The following OR13A1 variants were observed in gnomAD, a reference collection of about 807,000 sequenced individuals.
The protein encoded by OR13A1 is olfactory receptor 13A1.
In OR13A1, 10 loss-of-function variants were observed where a neutral mutation model predicts 7.5. That is an observed-to-expected ratio of 1.34 (90% CI 0.83 to 2.27). The LOEUF is 2.27. Among genes scored for constraint, OR13A1 ranks in the 30% most tolerant of loss-of-function variants. The pLI is 0.00. For synonymous variants in OR13A1, 238 were observed against 177.9 expected (o/e 1.34, Z -2.69); for missense variants, 509 against 419.1 (o/e 1.21, Z -1.87).
intron 1 of OR13A1, chr10:45,308,835 T>G (rs1838386420): frequency 6.6e-6 from 1 of 152,138 alleles, no homozygotes; most frequent in Non-Finnish European, 1.5e-5. Context: ...TGTGATAAGA[T>G]CAGTCTGAAC....
rs74128443 is a variant in OR13A1, at chr10:45,309,595, C to T, written c.-224-1787G>A. ...CTGGTCATGTGACTTTGGGTGACTG[C>T]GCTTAACCTCTCCAGGACTCATTTA... On this transcript the variant is annotated intron_variant, in intron 1 of 3. Coordinates refer to ENST00000553795, the MANE Select transcript of OR13A1 (RefSeq NM_001004297.3). Among the ~76,000 whole-genome samples, 780 of 152,202 alleles carry T rather than the reference C, an allele frequency of 5.1e-3. 7 individuals carry two copies. The highest frequency in any genetic ancestry group is 0.018 in the African/African-American group (741 of 41,536).
rs534838125 is a variant in OR13A1 at position 45,308,110 on chromosome 10, T to C, written c.-224-302A>G. On this transcript the variant is annotated intron_variant, in intron 1 of 3. Coordinates refer to ENST00000553795, the MANE Select transcript of OR13A1 (RefSeq NM_001004297.3). Reference sequence around the variant, plus strand: ...TTTCACAGACACCATATTAATCTAATGTCCTTTTATTGTATATGAAGGTAG... The same window carrying C: ...TTTCACAGACACCATATTAATCTAACGTCCTTTTATTGTATATGAAGGTAG... 8.5e-5 allele frequency among the ~76,000 whole-genome samples: 13 copies of C among 152,352 alleles called. No individual in the cohort carries two copies. In the East Asian group the frequency reaches 1.9e-3, roughly 23 times the overall value.
chr10:45,306,364 A>C (rs557524651), intron 3 of OR13A1, among the ~76,000 whole-genome samples: 1 of 151,934 alleles, frequency 6.6e-6, no homozygotes, highest in Non-Finnish European at 1.5e-5. Context: ...GAGGCAGGAG[A>C]ATGGCGTGAA....
Position 45,303,856 on chromosome 10 carries a change from G to A in OR13A1, c.567C>T (p.Pro189=), listed in dbSNP as rs766958133. 9.9e-6 allele frequency: 16 copies of A among 1,612,770 alleles called. No individual in the cohort carries two copies. In the Middle Eastern group the frequency reaches 4.9e-4, roughly 50 times the overall value. ...GLMLRLDFCG[P]NVIIHFFCEV... The stretch of plus-strand genomic sequence containing the variant: ...CGCAGAAGAAATGGATAATGACATT[G>A]GGGCCACAGAAATCCAAGCGCAGCA... The change falls in exon 4 of 4, where the codon CCC becomes CCT. Residue 189 remains proline (P), a synonymous_variant. Transcript: ENST00000553795.
chr10:45,303,668 C>T lies in OR13A1; in HGVS notation c.755G>A (p.Arg252Lys). The T allele has an allele frequency of 6.2e-7, 1 of 1,614,164 alleles. No individual in the cohort carries two copies. Among genetic ancestry groups the T allele is most frequent in the African/African-American group, 1.3e-5 (1 of 75,038 alleles). Residue 252 changes from arginine to lysine, a missense_variant, in exon 4 of 4, where the codon AGG becomes AAG. Transcript: ENST00000553795. ...AGAGCAGGTGGAGAAGGCTTTCTGC[C>T]TCCCCCAGGCAGTCTTCACCTTCAG... ...SILKVKTAWG[R>K]QKAFSTCSSH...
chr10:45,313,955 G>A (rs1260942500), intron 1 of OR13A1, among the ~76,000 whole-genome samples: 1 of 103,372 alleles, frequency 9.7e-6, no homozygotes, highest in Non-Finnish European at 1.9e-5. Flanking sequence ...AATCAGAATA[G>A]TATTTTTCTC....
chr10:45,308,848 G>A (rs1838386561), intron 1 of OR13A1: 1 of 152,128 alleles, frequency 6.6e-6, no homozygotes, highest in African/African-American at 2.4e-5. Context: ...GTCTGAACAG[G>A]ACTGTTCAGG....
chr10:45,310,411 G>A (rs1838421105), intron 1 of OR13A1, among the ~76,000 whole-genome samples: 1 of 152,144 alleles, frequency 6.6e-6, no homozygotes, highest in Non-Finnish European at 1.5e-5. Context: ...CATAAAAGTT[G>A]CCATAACCTC....
chr10:45,304,825 C>G (rs1838293378), intron 3 of OR13A1, among the ~76,000 whole-genome samples: 1 of 152,116 alleles, frequency 6.6e-6, no homozygotes, highest in African/African-American at 2.4e-5. Context: ...TAAAAAGCAT[C>G]CTGAAGGTGT....
intron 3 of OR13A1, among the ~76,000 whole-genome samples, chr10:45,306,446 C>T (rs1838331648): frequency 1.0e-5 from 1 of 99,576 alleles, no homozygotes; most frequent in Middle Eastern, 4.2e-3. Flanking sequence ...GAGCGAGACT[C>T]CGTCTCAAAA....
At position 45,304,417 on chromosome 10, in the gene OR13A1, C is replaced by T; in HGVS notation, c.6G>A (p.Lys2=). 3 of 1,610,984 alleles carry T rather than the reference C, an allele frequency of 1.9e-6. No homozygotes were observed. The highest frequency in any genetic ancestry group is 2.5e-6 in the Non-Finnish European group (3 of 1,178,592). ...CTATCAGGTGACTCTCCATCCACAG[C>T]TTCATGTGATTTCAGAGCTAGAGAG... M[K]LWMESHLIVP... is the part of the protein sequence containing the mutation. Residue 2 remains lysine (K), a synonymous_variant, in exon 4 of 4, where the codon AAG becomes AAA. Coordinates refer to ENST00000553795, the MANE Select transcript of OR13A1 (RefSeq NM_001004297.3).
chr10:45,304,297 C>G lies in OR13A1; in HGVS notation c.126G>C (p.Arg42=), dbSNP rs1838283493. ...LQGFSEHPEY[R]VFLFSCFLFL... ...AGAGGAAACAGCTGAATAAGAACAC[C>G]CGGTATTCTGGGTGCTCCGAAAAGC... The change falls in exon 4 of 4, where the codon CGG becomes CGC. Residue 42 remains arginine (R), a synonymous_variant. Transcript: ENST00000553795. The G allele has an allele frequency of 1.2e-6, 2 of 1,614,106 alleles. No homozygotes were observed. The highest frequency in any genetic ancestry group is 2.2e-5 in the South Asian group (2 of 91,084).
At chr10:45,310,561 G>T (rs570507710) in intron 1 of OR13A1, among the ~76,000 whole-genome samples, 2 of 152,320 alleles carry the variant, frequency 1.3e-5, no homozygotes, top group South Asian at 4.2e-4. Context: ...TCACCTAGCT[G>T]CCAGGGAAGC....
Position 45,303,523 on chromosome 10 carries a change from A to T in OR13A1, c.900T>A (p.Ser300Arg). Residue 300 changes from serine (S) to arginine (R), a missense_variant, in exon 4 of 4, where the codon AGT becomes AGA. Coordinates refer to ENST00000553795, the MANE Select transcript of OR13A1 (RefSeq NM_001004297.3). Reference protein sequence around the residue: ...KLAGLLYTVLSPTLNPLIYTL... With the variant: ...KLAGLLYTVLRPTLNPLIYTL... ...TATAGATGAGGGGGTTGAGGGTAGG[A>T]CTCAGCACAGTGTACAGCAGGCCAG... The T allele has an allele frequency of 6.2e-7, 1 of 1,614,086 alleles. No individual in the cohort carries two copies. The highest frequency in any genetic ancestry group is 8.5e-7 in the Non-Finnish European group (1 of 1,180,016).
intron 1 of OR13A1, among the ~76,000 whole-genome samples, chr10:45,308,196 C>G (rs144128619): frequency 1.3e-5 from 2 of 152,172 alleles, no homozygotes; most frequent in Non-Finnish European, 2.9e-5. Context: ...ATGCCAGAAT[C>G]GCATATGTTC....
In OR13A1 at chr10:45,315,581, C is replaced by A. The variant is rs925780068; in HGVS notation, c.-282G>T. On this transcript the variant is annotated 5_prime_UTR_variant, in exon 1 of 4. Coordinates refer to ENST00000553795, the MANE Select transcript of OR13A1 (RefSeq NM_001004297.3). ...GGATTAGGAACAAGACAAGTATACTCTGTCTCTTCGCTTCTATTCAATATA... is the reference window on the plus strand; with the variant it reads ...GGATTAGGAACAAGACAAGTATACTATGTCTCTTCGCTTCTATTCAATATA... The A allele has an allele frequency of 3.9e-5, 6 of 152,118 alleles. No homozygotes were observed. The highest frequency in any genetic ancestry group is 1.4e-4 in the African/African-American group (6 of 41,424). The allele number at this position is 152,118 out of a possible 1,614,324, so 9.4% of individuals were successfully genotyped here. A position where few individuals can be genotyped will look rare whatever the true frequency, so the allele number is the denominator to read the frequency against.
chr10:45,305,121 G>C (rs1188679380), intron 3 of OR13A1, among the ~76,000 whole-genome samples: 1 of 152,064 alleles, frequency 6.6e-6, no homozygotes, highest in Non-Finnish European at 1.5e-5. Context: ...TGTAATCCCA[G>C]CTACTTGGAA....
Position 45,304,356 on chromosome 10 carries a change from T to C in OR13A1, c.67A>G (p.Asn23Asp), listed in dbSNP as rs758674399. Residue 23 changes from asparagine (N) to aspartate (D), a missense_variant, in exon 4 of 4, where the codon AAC (asparagine) becomes GAC (aspartate). Physicochemically the swap from Asn to Asp is conservative, Grantham distance 23 (BLOSUM62 1). Transcript: ENST00000553795. ...ATGAACTCGGTTACCAACGTCTGGTTACTCATCATCCTTGGGCTGGGACGG... is the reference window on the plus strand; with the variant it reads ...ATGAACTCGGTTACCAACGTCTGGTCACTCATCATCCTTGGGCTGGGACGG... ...ETRPSPRMMS[N>D]QTLVTEFILQ... 6.8e-6 allele frequency: 11 copies of C among 1,613,990 alleles called. No homozygotes were observed. Among genetic ancestry groups the C allele is most frequent in the African/African-American group, 6.7e-5 (5 of 74,894 alleles).
At chr10:45,307,154 A>G (rs1838348563) in intron 3 of OR13A1, among the ~76,000 whole-genome samples, 1 of 152,250 alleles carries the variant, frequency 6.6e-6, no homozygotes, top group African/African-American at 2.4e-5. Context: ...CAGAGTCAGC[A>G]CAGCTGCAGC....
Sources: allele counts gnomAD v4.1 joint callset (sites outside exome capture counted in the v4.1 genomes callset), GRCh38; gene constraint gnomAD v4.1.1; transcripts MANE v1.5; gene names NCBI Gene and HGNC (gene_info 2026-07-23, HGNC 2026-07-21).